ANO6: variants seen among roughly 807,000 people sequenced by gnomAD.
ANO6 encodes anoctamin-6.
A neutral mutation model predicts 117.5 loss-of-function variants in ANO6; 106 were observed. The observed-to-expected ratio is 0.90, with a 90% CI of 0.77 to 1.06. ANO6 has a LOEUF of 1.06. Ranked by LOEUF, ANO6 falls within the 50% of genes least tolerant of loss-of-function variation. ANO6 has a pLI of 0.00. For synonymous variants in ANO6, 367 were observed against 385.1 expected (o/e 0.95, Z 0.55); for missense variants, 955 against 1,121.1 (o/e 0.85, Z 2.12).
At chr12:45,371,942 C>A (rs1217918272) in intron 9 of ANO6, among the ~76,000 whole-genome samples, 20 of 151,624 alleles carry the variant, frequency 1.3e-4, no homozygotes, top group African/African-American at 4.4e-4. Flanking sequence ...AAACCAAAGG[C>A]AAAGAAGTTG....
At chr12:45,388,452 G>GT (rs1275948488) in intron 11 of ANO6, 149 bp downstream of exon 11, 3 of 1,048,678 alleles carry the variant, frequency 2.9e-6, no homozygotes, top group Non-Finnish European at 4.3e-6. Flanking sequence ...TAACCTGGGG[G>GT]TATTCTGAGC....
intron 15 of ANO6, among the ~76,000 whole-genome samples, chr12:45,405,995 C>T (rs1331868639): frequency 6.6e-6 from 1 of 152,154 alleles, no homozygotes; most frequent in Non-Finnish European, 1.5e-5. Context: ...CCTTATAAGT[C>T]AGCAGTTGTT....
intron 15 of ANO6, among the ~76,000 whole-genome samples, chr12:45,408,357 T>C (rs1266412287): frequency 6.6e-6 from 1 of 152,172 alleles, no homozygotes. Context: ...ACAACAGTTC[T>C]CTATGCCACA....
chr12:45,317,229 G>A (rs77784044), intron 2 of ANO6, among the ~76,000 whole-genome samples: 7,707 of 146,000 alleles, frequency 0.053, 518 homozygotes, highest in East Asian at 0.35. Flanking sequence ...CCAGTAACTC[G>A]TAATTTATAT....
chr12:45,408,439 C>T (rs1376487464), intron 15 of ANO6, among the ~76,000 whole-genome samples: 2 of 152,026 alleles, frequency 1.3e-5, no homozygotes, highest in Non-Finnish European at 2.9e-5. Flanking sequence ...GGGGGAAGCA[C>T]TTAGCCACAA....
At chr12:45,317,657 A>G (rs867360118) in intron 2 of ANO6, among the ~76,000 whole-genome samples, 3 of 152,136 alleles carry the variant, frequency 2.0e-5, no homozygotes, top group Admixed American at 6.6e-5. Flanking sequence ...TGGCTGGGTC[A>G]AATGGTATTT....
intron 8 of ANO6, among the ~76,000 whole-genome samples, chr12:45,363,797 C>T (rs1391722847): frequency 6.6e-6 from 1 of 152,228 alleles, no homozygotes; most frequent in East Asian, 1.9e-4. Context: ...AGGGGAAACG[C>T]GTTTCACTTG....
In ANO6 at chr12:45,340,088, A is replaced by G. The variant is rs114454055; in HGVS notation, c.280-6934A>G. Among the ~76,000 whole-genome samples, 919 of 152,282 alleles carry G rather than the reference A, an allele frequency of 6.0e-3. 14 individuals carry two copies. Among genetic ancestry groups the G allele is most frequent in the African/African-American group, 0.021 (874 of 41,592 alleles). On this transcript the variant is annotated intron_variant, in intron 3 of 19. Transcript: ENST00000320560. ...TGTAATTCGCAAGTAAGTCCTTCACAACAATGACTTTACTAAGCCAAATGA... is the reference window on the plus strand; with the variant it reads ...TGTAATTCGCAAGTAAGTCCTTCACGACAATGACTTTACTAAGCCAAATGA...
intron 19 of ANO6, among the ~76,000 whole-genome samples, chr12:45,426,306 CA>C (rs1943500939): frequency 1.3e-5 from 2 of 152,222 alleles, no homozygotes; most frequent in Admixed American, 1.3e-4. Flanking sequence ...CTCTTTCCTA[CA>C]GCATCAACCT....
intron 7 of ANO6, 63 bp from the exon 8 acceptor site, chr12:45,357,227 A>G (rs1425299571): frequency 1.9e-6 from 3 of 1,562,054 alleles, no homozygotes; most frequent in East Asian, 4.5e-5. Flanking sequence ...AGAAATTAAT[A>G]TTAGGATGAA....
intron 2 of ANO6, among the ~76,000 whole-genome samples, chr12:45,307,722 G>A (rs1044646314): frequency 6.6e-6 from 1 of 152,086 alleles, no homozygotes; most frequent in African/African-American, 2.4e-5. Context: ...CTGAGCCCGG[G>A]GGCACCAGTG....
chr12:45,226,673 C>T (rs759732904), intron 1 of ANO6, among the ~76,000 whole-genome samples: 10 of 152,008 alleles, frequency 6.6e-5, no homozygotes, highest in Non-Finnish European at 1.3e-4. Flanking sequence ...TGGCTTTGCA[C>T]AAACAAAATG....
In ANO6 at chr12:45,414,647, C is replaced by T. The variant is rs577334349; in HGVS notation, c.2012-2052C>T. Among the ~76,000 whole-genome samples the T allele has an allele frequency of 1.1e-4, 17 of 152,306 alleles. 1 individual carries two copies. The South Asian group carries it at 3.5e-3, about 32-fold the overall frequency. On this transcript the variant is annotated intron_variant, in intron 16 of 19. Transcript: ENST00000320560. Reference sequence around the variant, plus strand: ...AGCATTATAATACACTCAATATCTCCCAGAGCTATCCCATTTTATTTTTTC... The same window carrying T: ...AGCATTATAATACACTCAATATCTCTCAGAGCTATCCCATTTTATTTTTTC...
At chr12:45,321,740 GA>G (rs201414596) in intron 2 of ANO6, among the ~76,000 whole-genome samples, 22 of 151,838 alleles carry the variant, frequency 1.4e-4, no homozygotes, top group African/African-American at 4.6e-4. Context: ...TATTCTGTGG[GA>G]AAAAAAAGGC....
chr12:45,233,968 A>T (rs1468756631), intron 1 of ANO6, among the ~76,000 whole-genome samples: 1 of 152,212 alleles, frequency 6.6e-6, no homozygotes, highest in Non-Finnish European at 1.5e-5. Context: ...GAACTATAAG[A>T]ATATCTAGAA....
chr12:45,242,491 G>T (rs191454090), intron 1 of ANO6, among the ~76,000 whole-genome samples: 1 of 152,210 alleles, frequency 6.6e-6, no homozygotes, highest in East Asian at 1.9e-4. Context: ...GGCTTCCCTC[G>T]ACTAGGAAAG....
chr12:45,297,431 T>C (rs1197606679), intron 1 of ANO6, among the ~76,000 whole-genome samples: 4 of 152,206 alleles, frequency 2.6e-5, no homozygotes, highest in African/African-American at 9.6e-5. Context: ...CAATGGCTCT[T>C]TTTATTGGCC....
chr12:45,401,097 T>C (rs1430731734), intron 12 of ANO6, among the ~76,000 whole-genome samples: 1 of 152,240 alleles, frequency 6.6e-6, no homozygotes, highest in African/African-American at 2.4e-5. Flanking sequence ...TACAAATGAC[T>C]GCCAGTTTAA....
intron 3 of ANO6, among the ~76,000 whole-genome samples, chr12:45,344,864 A>C (rs530110526): frequency 2.6e-5 from 4 of 152,306 alleles, no homozygotes; most frequent in Admixed American, 2.6e-4. Flanking sequence ...TTTCAAGTTC[A>C]AGTTGGGAAT....
Sources: gnomAD v4.1 joint callset for allele counts (sites outside exome capture counted in the v4.1 genomes callset) on GRCh38, gnomAD v4.1.1 for gene constraint, MANE v1.5 for transcripts, NCBI Gene and HGNC (gene_info 2026-07-23, HGNC 2026-07-21) for gene names.